The following GPM6A variants were observed in gnomAD, a reference collection of about 807,000 sequenced individuals.
The protein encoded by GPM6A is neuronal membrane glycoprotein M6-a.
Under a neutral mutation model 32.1 loss-of-function variants are expected in GPM6A, and 7 were observed. That is an observed-to-expected ratio of 0.22 (90% CI 0.12 to 0.41). The LOEUF is 0.41. Ranked by LOEUF, GPM6A falls within the 10% of genes least tolerant of loss-of-function variation. GPM6A has a pLI of 1.00. For synonymous variants in GPM6A, 130 were observed against 123.4 expected (o/e 1.05, Z -0.35); for missense variants, 235 against 347.2 (o/e 0.68, Z 2.57).
chr4:175,787,640 A>T, intron 1 of GPM6A: 1 of 1,260,874 alleles, frequency 7.9e-7, no homozygotes, highest in Middle Eastern at 3.1e-4. Flanking sequence ...TGCTTTACTG[A>T]CATAACTCTT....
At chr4:175,705,697 G>A (rs558046301) in intron 1 of GPM6A, among the ~76,000 whole-genome samples, 7 of 152,072 alleles carry the variant, frequency 4.6e-5, no homozygotes, top group Non-Finnish European at 1.0e-4. Flanking sequence ...CACCCTTTAA[G>A]GCTGCGGATC....
At chr4:175,665,995 T>C (rs974230528) in intron 3 of GPM6A, among the ~76,000 whole-genome samples, 4 of 150,802 alleles carry the variant, frequency 2.7e-5, no homozygotes, top group Non-Finnish European at 5.9e-5. Flanking sequence ...CTCGGCTCAC[T>C]GCAACCTCCA....
At chr4:175,916,904 T>C (rs1738511832) in intron 1 of GPM6A, among the ~76,000 whole-genome samples, 2 of 152,176 alleles carry the variant, frequency 1.3e-5, no homozygotes, top group African/African-American at 2.4e-5. Flanking sequence ...CTGCAGATTA[T>C]TATTCACATA....
chr4:175,936,353 T>C (rs1014013516), intron 1 of GPM6A, among the ~76,000 whole-genome samples: 2 of 133,912 alleles, frequency 1.5e-5, no homozygotes, highest in African/African-American at 5.4e-5. Context: ...ATTCCTGTTA[T>C]ATAATAAAAT....
intron 1 of GPM6A, among the ~76,000 whole-genome samples, chr4:175,779,402 G>A (rs986297331): frequency 6.6e-6 from 1 of 152,146 alleles, no homozygotes; most frequent in Non-Finnish European, 1.5e-5. Context: ...TCCAAAGCAC[G>A]TTATATTTCA....
At chr4:175,736,074 G>A (rs984073627) in intron 1 of GPM6A, among the ~76,000 whole-genome samples, 1 of 152,092 alleles carries the variant, frequency 6.6e-6, no homozygotes, top group Non-Finnish European at 1.5e-5. Flanking sequence ...TGCCCAGGCT[G>A]GAATGCAGTG....
At chr4:175,704,777 C>T (rs1042118928) in intron 1 of GPM6A, among the ~76,000 whole-genome samples, 3 of 152,110 alleles carry the variant, frequency 2.0e-5, no homozygotes, top group African/African-American at 7.2e-5. Context: ...GATAGATGAA[C>T]ATGTTTCACA....
At chr4:175,642,131 T>C (rs181436874) in intron 4 of GPM6A, 7 of 152,308 alleles carry the variant, frequency 4.6e-5, no homozygotes, top group Admixed American at 3.3e-4. Context: ...GTGTGAAAAA[T>C]CTATTTGCAG....
intron 1 of GPM6A, among the ~76,000 whole-genome samples, chr4:175,956,436 C>A (rs73873516): frequency 0.062 from 9,382 of 152,174 alleles, 930 homozygotes; most frequent in African/African-American, 0.21. Flanking sequence ...TATTTTTAAT[C>A]TCTTCTTTTT....
chr4:175,854,569 G>A (rs934925963), intron 1 of GPM6A, among the ~76,000 whole-genome samples: 1 of 152,258 alleles, frequency 6.6e-6, no homozygotes, highest in Non-Finnish European at 1.5e-5. Context: ...AAAGATCTCT[G>A]AAAGAGGGAA....
chr4:175,656,359 C>T (rs546394787), intron 3 of GPM6A, among the ~76,000 whole-genome samples: 1 of 152,210 alleles, frequency 6.6e-6, no homozygotes, highest in Non-Finnish European at 1.5e-5. Flanking sequence ...AAACAAGCAT[C>T]CTCCTACTAT....
intron 1 of GPM6A, among the ~76,000 whole-genome samples, chr4:175,721,090 A>G (rs931207487): frequency 4.8e-5 from 7 of 145,314 alleles, no homozygotes; most frequent in Non-Finnish European, 7.5e-5. Context: ...CTTTTCTAGT[A>G]TATATTTCTA....
intron 1 of GPM6A, among the ~76,000 whole-genome samples, chr4:175,913,214 G>A (rs1034954717): frequency 1.3e-5 from 2 of 152,118 alleles, no homozygotes; most frequent in African/African-American, 4.8e-5. Flanking sequence ...CAAGACAAGT[G>A]TTTACTACAG....
chr4:175,780,787 A>G (rs1226032929), intron 1 of GPM6A, among the ~76,000 whole-genome samples: 1 of 152,180 alleles, frequency 6.6e-6, no homozygotes, highest in Non-Finnish European at 1.5e-5. Flanking sequence ...ATCAGTCCCC[A>G]GTGTGTTCTC....
chr4:175,645,677 C>CACT (rs1741421210), intron 4 of GPM6A, among the ~76,000 whole-genome samples: 1 of 151,992 alleles, frequency 6.6e-6, no homozygotes, highest in Non-Finnish European at 1.5e-5. Context: ...ACCGAGATGG[C>CACT]GCCACTGCAC....
chr4:175,937,264 T>C (rs1239035423), intron 1 of GPM6A, among the ~76,000 whole-genome samples: 3 of 152,182 alleles, frequency 2.0e-5, no homozygotes, highest in African/African-American at 7.2e-5. Context: ...TAGCATTCTT[T>C]GTAAATAGTA....
chr4:175,835,516 G>A (rs112491835), intron 1 of GPM6A, among the ~76,000 whole-genome samples: 7 of 151,014 alleles, frequency 4.6e-5, no homozygotes, highest in African/African-American at 1.7e-4. Flanking sequence ...AACCTTCTCT[G>A]TCCTCCATTT....
At chr4:175,681,938 G>A (rs1429902402) in intron 2 of GPM6A, among the ~76,000 whole-genome samples, 1 of 152,200 alleles carries the variant, frequency 6.6e-6, no homozygotes, top group Non-Finnish European at 1.5e-5. Context: ...TTTGGATTGG[G>A]TAGCAGGCAG....
chr4:175,751,726 G>A (rs17052282), intron 1 of GPM6A, among the ~76,000 whole-genome samples: 2,186 of 151,750 alleles, frequency 0.014, 31 homozygotes, highest in South Asian at 0.037. Context: ...AGAATGACCC[G>A]GAGTCACACG....
Sources: allele counts gnomAD v4.1 joint callset (sites outside exome capture counted in the v4.1 genomes callset), GRCh38; gene constraint gnomAD v4.1.1; transcripts MANE v1.5; gene names NCBI Gene and HGNC (gene_info 2026-07-23, HGNC 2026-07-21).